Variants in MEGF10 observed in about 807,000 individuals in gnomAD.
The protein encoded by MEGF10 is multiple EGF like domains 10, also known as multiple epidermal growth factor-like domains protein 10.
In MEGF10, 86 loss-of-function variants were observed where a neutral mutation model predicts 147.5. The ratio of observed to expected loss-of-function variants is 0.58; its 90% CI spans 0.49 to 0.70. MEGF10 has a LOEUF of 0.70. MEGF10 is among the 30% of genes least tolerant of loss of function. The pLI, the probability that MEGF10 is intolerant of heterozygous loss-of-function variation, is 0.00. For synonymous variants in MEGF10, 478 were observed against 525.5 expected, an observed-to-expected ratio of 0.91 and a Z score of 1.24; for missense variants, 1,329 against 1,487.3, an observed-to-expected ratio of 0.89 and a Z score of 1.75.
At chr5:127,320,347 T>C (rs928594657) in intron 1 of MEGF10, among the ~76,000 whole-genome samples, 1 of 152,158 alleles carries the variant, frequency 6.6e-6, no homozygotes, top group Admixed American at 6.6e-5. Flanking sequence ...GAGATAATTA[T>C]GGATGATGTG....
In MEGF10 at chr5:127,338,420, C is replaced by T. The variant is rs147771393; in HGVS notation, c.117-700C>T. Among the ~76,000 whole-genome samples the T allele has an allele frequency of 3.4e-3, 515 of 152,148 alleles. 2 individuals carry two copies. In the Middle Eastern group the frequency reaches 0.061, roughly 18 times the overall value. On this transcript the variant is annotated intron_variant, in intron 2 of 24. Transcript: ENST00000503335. ...TGTTTTCCACCCATGTTCTTAGGCC[C>T]ATAGGCTTGTATGTTTTCACTCTAA...
intron 9 of MEGF10, among the ~76,000 whole-genome samples, chr5:127,411,230 G>A (rs1764546048): frequency 6.6e-6 from 1 of 152,138 alleles, no homozygotes; most frequent in Admixed American, 6.5e-5. Flanking sequence ...TACCTTGTCT[G>A]CCCTGAAAAT....
intron 4 of MEGF10, among the ~76,000 whole-genome samples, chr5:127,353,057 G>C (rs954423655): frequency 2.6e-5 from 4 of 152,128 alleles, no homozygotes; most frequent in Non-Finnish European, 4.4e-5. Context: ...GGATGATCTG[G>C]AGCCAGGGAA....
chr5:127,455,423 T>C lies in MEGF10; in HGVS notation c.3048T>C (p.Tyr1016=). 1 of 1,614,098 alleles carries C rather than the reference T, an allele frequency of 6.2e-7. No homozygotes were observed. The highest frequency in any genetic ancestry group is 1.1e-5 in the South Asian group (1 of 91,062). ...SLKDLGKNSE[Y]NSSNCSLSSS... is the part of the protein sequence containing the mutation. Reference sequence around the variant, plus strand: ...CAGACCTGGGAAAGAATTCTGAATATAATTCAAGTAACTGCTCCCTAAGCA... The same window carrying C: ...CAGACCTGGGAAAGAATTCTGAATACAATTCAAGTAACTGCTCCCTAAGCA... Residue 1016 remains tyrosine (Y), a synonymous_variant, in exon 24 of 25, where the codon TAT becomes TAC. Transcript: ENST00000503335.
At chr5:127,237,226 G>A in the MEGF10 span, among the ~76,000 whole-genome samples, 2 of 152,250 alleles carry the variant, frequency 1.3e-5, no homozygotes, top group Non-Finnish European at 2.9e-5. Context: ...GCCAGGCGTG[G>A]TGGCTCATGA....
chr5:127,435,580 C>A, intron 16 of MEGF10, 91 bp downstream of exon 16: 1 of 1,250,028 alleles, frequency 8.0e-7, no homozygotes, highest in Non-Finnish European at 1.1e-6. Context: ...TTTATATAAT[C>A]AAGAAAGAAT....
At chr5:127,449,021 T>G in intron 21 of MEGF10, 78 bp from the exon 22 acceptor site, 1 of 1,565,078 alleles carries the variant, frequency 6.4e-7, no homozygotes, top group Non-Finnish European at 8.7e-7. Context: ...TGCCCTGGAC[T>G]TTTCCCCAGG....
At chr5:127,423,790 T>C (rs1016661753) in intron 13 of MEGF10, among the ~76,000 whole-genome samples, 9 of 152,198 alleles carry the variant, frequency 5.9e-5, no homozygotes, top group Non-Finnish European at 8.8e-5. Context: ...CCTTATCAGA[T>C]ATATAATTTA....
intron 4 of MEGF10, among the ~76,000 whole-genome samples, chr5:127,360,644 A>G (rs1762438386): frequency 6.6e-6 from 1 of 151,938 alleles, no homozygotes; most frequent in African/African-American, 2.4e-5. Flanking sequence ...AGGTTGAGGA[A>G]ACGCCCTTCT....
the MEGF10 span, among the ~76,000 whole-genome samples, chr5:127,246,793 AATAT>A: frequency 3.2e-5 from 4 of 124,730 alleles, no homozygotes; most frequent in Admixed American, 9.5e-5. Flanking sequence ...TATAATTTAT[AATAT>A]TTATAAATAT....
intron 1 of MEGF10, among the ~76,000 whole-genome samples, chr5:127,307,546 G>A (rs1466847704): frequency 6.6e-6 from 1 of 152,172 alleles, no homozygotes; most frequent in Non-Finnish European, 1.5e-5. Context: ...GTTTCCCTGG[G>A]TGCTCTTCCT....
intron 16 of MEGF10, among the ~76,000 whole-genome samples, chr5:127,437,755 C>T (rs971146617): frequency 1.2e-4 from 18 of 151,952 alleles, no homozygotes; most frequent in Non-Finnish European, 2.6e-4. Flanking sequence ...TTTTACATAC[C>T]GCTGGGAACC....
chr5:127,246,965 A>AT, the MEGF10 span, among the ~76,000 whole-genome samples: 6 of 2,170 alleles, frequency 2.8e-3, no homozygotes, highest in African/African-American at 1.6e-3. Flanking sequence ...AATAATATAT[A>AT]ATAATATATG....
At chr5:127,328,392 A>G (rs2585205) in intron 1 of MEGF10, among the ~76,000 whole-genome samples, 4,359 of 152,238 alleles carry the variant, frequency 0.029, 97 homozygotes, top group Non-Finnish European at 0.044. Flanking sequence ...CATATTTTTC[A>G]ATGTACTGAT....
Position 127,435,494 on chromosome 5 carries a change from G to T in MEGF10, c.2104+5G>T. ...TTGGCAGTGACTGCTCTCAACGTAA[G>T]TCTTGTTTGAGAACAATTAATAAAC... is the stretch of plus-strand genomic sequence containing the variant. On this transcript the variant is annotated splice_donor_5th_base_variant and intron_variant, in intron 16 of 24. Transcript: ENST00000503335. The T allele has an allele frequency of 6.2e-7, 1 of 1,611,012 alleles. No homozygotes were observed. The highest frequency in any genetic ancestry group is 8.5e-7 in the Non-Finnish European group (1 of 1,178,792).
Position 127,350,089 on chromosome 5 carries a change from T to C in MEGF10, c.319+9459T>C, listed in dbSNP as rs146157451. On this transcript the variant is annotated intron_variant, in intron 4 of 24. Coordinates refer to ENST00000503335, the MANE Select transcript of MEGF10 (RefSeq NM_001256545.2). ...TTGCATTTTCCAAATTTCACGGCTA[T>C]GTTTGGAAGTGAAATCACAACCTCT... 2.0e-3 allele frequency among the ~76,000 whole-genome samples: 302 copies of C among 152,310 alleles called. 1 individual carries two copies. The highest frequency in any genetic ancestry group is 6.7e-3 in the African/African-American group (280 of 41,578).
intron 5 of MEGF10, among the ~76,000 whole-genome samples, chr5:127,376,656 G>T (rs1763041355): frequency 1.3e-5 from 2 of 152,168 alleles, no homozygotes; most frequent in Admixed American, 1.3e-4. Context: ...TGATGATCAT[G>T]ATGATAGTAA....
chr5:127,425,380 A>G (rs1765175863), intron 13 of MEGF10, among the ~76,000 whole-genome samples: 1 of 151,986 alleles, frequency 6.6e-6, no homozygotes, highest in Non-Finnish European at 1.5e-5. Flanking sequence ...GTTGCCTACC[A>G]TCTCTGCCTC....
chr5:127,381,687 C>T (rs968189156), intron 5 of MEGF10, among the ~76,000 whole-genome samples: 8 of 152,144 alleles, frequency 5.3e-5, no homozygotes, highest in South Asian at 4.2e-4. Flanking sequence ...TTGTTTTTCT[C>T]GAGACAAGAG....
Sources: gnomAD v4.1 joint callset for allele counts (sites outside exome capture counted in the v4.1 genomes callset) on GRCh38, gnomAD v4.1.1 for gene constraint, MANE v1.5 for transcripts, NCBI Gene and HGNC (gene_info 2026-07-23, HGNC 2026-07-21) for gene names.